MBIP: variants seen among roughly 807,000 people sequenced by gnomAD.
The protein encoded by MBIP is MAP3K12-binding inhibitory protein 1.
Under a neutral mutation model 45.7 loss-of-function variants are expected in MBIP, and 32 were observed. The ratio of observed to expected loss-of-function variants is 0.70; its 90% confidence interval spans 0.53 to 0.94. The LOEUF is 0.94. Ranked by LOEUF, MBIP falls within the 40% of genes least tolerant of loss-of-function variation. The pLI, the probability that MBIP is intolerant of heterozygous loss-of-function variation, is 0.00. For synonymous variants in MBIP, 145 were observed against 141.0 expected (o/e 1.03, Z -0.20); for missense variants, 381 against 405.5 (o/e 0.94, Z 0.52).
intron 7 of MBIP, among the ~76,000 whole-genome samples, chr14:36,303,290 G>A (rs547415100): frequency 6.6e-6 from 1 of 152,304 alleles, no homozygotes; most frequent in South Asian, 2.1e-4. Flanking sequence ...AGAAAGAGCT[G>A]GAGAAAGGTA....
chr14:36,314,559 T>G lies in MBIP; in HGVS notation c.524A>C (p.Asn175Thr). ...GCAAAATTCCCTGACGTTGTTTTCA[T>G]TGATTTCAGCTTGCTTTCTTTCAAT... is the stretch of plus-strand genomic sequence containing the variant. ...AFIERKQAEI[N>T]ENNVREFCNV... is the part of the protein sequence containing the mutation. The change falls in exon 4 of 9, where the codon AAT becomes ACT. Residue 175 changes from asparagine to threonine, a missense_variant. Physicochemically the swap from Asn to Thr is moderately conservative, Grantham distance 65. Coordinates refer to ENST00000416007, the MANE Select transcript of MBIP (RefSeq NM_016586.3). The G allele has an allele frequency of 6.2e-7, 1 of 1,611,108 alleles. No individual in the cohort carries two copies. Among genetic ancestry groups the G allele is most frequent in the Non-Finnish European group, 8.5e-7 (1 of 1,179,034 alleles).
chr14:36,314,296 G>A (rs1028160021), intron 4 of MBIP: 11 of 450,782 alleles, frequency 2.4e-5, no homozygotes, highest in African/African-American at 8.2e-5. Context: ...ACTTTTTAAT[G>A]TTAGCATTTA....
intron 4 of MBIP, chr14:36,314,002 G>GA (rs948994876): frequency 6.6e-6 from 1 of 152,596 alleles, no homozygotes; most frequent in African/African-American, 2.4e-5. Context: ...CACTATGGCA[G>GA]AAAGGAAAAA....
intron 8 of MBIP, 31 bp downstream of exon 8, chr14:36,300,754 C>A: frequency 6.6e-7 from 1 of 1,511,572 alleles, no homozygotes; most frequent in South Asian, 1.2e-5. Context: ...CAAACTATTT[C>A]AGAAACCAAA....
intron 2 of MBIP, among the ~76,000 whole-genome samples, chr14:36,315,350 G>C (rs1360663943): frequency 6.6e-6 from 1 of 152,044 alleles, no homozygotes; most frequent in Non-Finnish European, 1.5e-5. Flanking sequence ...ACGAGAGCTA[G>C]TGCTCTCACT....
At chr14:36,316,917 C>T in intron 1 of MBIP, 105 bp from the exon 2 acceptor site, 1 of 1,257,166 alleles carries the variant, frequency 8.0e-7, no homozygotes, top group East Asian at 2.5e-5. Context: ...CTATTTTGCT[C>T]TAAGTTATCA....
chr14:36,301,035 G>A (rs1214290680), intron 7 of MBIP: 4 of 343,384 alleles, frequency 1.2e-5, no homozygotes, highest in Non-Finnish European at 2.1e-5. Context: ...ATATATAATA[G>A]TAATATTGCA....
chr14:36,311,778 ATTC>A, intron 5 of MBIP, 53 bp from the exon 6 acceptor site: 1 of 1,468,824 alleles, frequency 6.8e-7, no homozygotes. Flanking sequence ...AAAATCAGAA[ATTC>A]TTATTCCTTA....
intron 2 of MBIP, among the ~76,000 whole-genome samples, chr14:36,315,749 A>G (rs1880529909): frequency 6.6e-6 from 1 of 152,074 alleles, no homozygotes; most frequent in Non-Finnish European, 1.5e-5. Context: ...TTAACATGAA[A>G]CAGTTAAAAT....
chr14:36,318,002 G>A (rs1472883729), intron 1 of MBIP, among the ~76,000 whole-genome samples: 2 of 152,020 alleles, frequency 1.3e-5, no homozygotes, highest in African/African-American at 2.4e-5. Context: ...TATTAGACAA[G>A]TATAAAGAGA....
rs781065841 is a variant in MBIP at position 36,314,551 on chromosome 14, T to C, written c.532A>G (p.Asn178Asp). The C allele has an allele frequency of 5.0e-6, 8 of 1,610,360 alleles. No homozygotes were observed. In the East Asian group the frequency reaches 1.6e-4, roughly 31 times the overall value. ...ATAACATTGCAAAATTCCCTGACGTTGTTTTCATTGATTTCAGCTTGCTTT... is the reference window on the plus strand; with the variant it reads ...ATAACATTGCAAAATTCCCTGACGTCGTTTTCATTGATTTCAGCTTGCTTT... ...ERKQAEINEN[N>D]VREFCNVIDC... Residue 178 changes from asparagine to aspartate, a missense_variant, in exon 4 of 9, where the codon AAC becomes GAC. By Grantham distance (23) the Asn-to-Asp change is conservative (BLOSUM62 1). Coordinates refer to ENST00000416007, the MANE Select transcript of MBIP (RefSeq NM_016586.3).
chr14:36,316,859 C>T (rs1221910923), intron 1 of MBIP, 47 bp from the exon 2 acceptor site: 2 of 1,568,868 alleles, frequency 1.3e-6, no homozygotes, highest in Admixed American at 3.9e-5. Flanking sequence ...CACGATTAAG[C>T]TCTACATATG....
chr14:36,306,316 G>A (rs148746895), intron 7 of MBIP, among the ~76,000 whole-genome samples: 7,568 of 152,080 alleles, frequency 0.05, 579 homozygotes, highest in African/African-American at 0.17. Flanking sequence ...GTGCAATGGC[G>A]TGATCTTGGC....
At chr14:36,317,314 T>G (rs889559308) in intron 1 of MBIP, among the ~76,000 whole-genome samples, 2 of 152,200 alleles carry the variant, frequency 1.3e-5, no homozygotes, top group Non-Finnish European at 2.9e-5. Flanking sequence ...CCAAATCACA[T>G]TTTTAGTTTT....
intron 2 of MBIP, among the ~76,000 whole-genome samples, chr14:36,315,179 C>G (rs1459442999): frequency 2.0e-5 from 3 of 151,854 alleles, no homozygotes; most frequent in African/African-American, 7.3e-5. Flanking sequence ...AAAAGAAAAC[C>G]TAAGGAAATT....
chr14:36,306,303 G>C (rs1227927286), intron 7 of MBIP, among the ~76,000 whole-genome samples: 1 of 152,002 alleles, frequency 6.6e-6, no homozygotes, highest in African/African-American at 2.4e-5. Flanking sequence ...TGCCCAGGCT[G>C]GAGTGCAATG....
chr14:36,308,200 T>TAA lies in MBIP; in HGVS notation c.791-13_791-12dup. On this transcript the variant is annotated splice_polypyrimidine_tract_variant and intron_variant, in intron 6 of 8. Coordinates refer to ENST00000416007, the MANE Select transcript of MBIP (RefSeq NM_016586.3). ...TTGGCACTGGACCACCTAAATACAT[T>TAA]AAAAAAAAATCTGAGATACTATTGA... 4 of 1,337,422 alleles carry TAA rather than the reference T, an allele frequency of 3.0e-6. No homozygotes were observed. Among genetic ancestry groups the TAA allele is most frequent in the South Asian group, 1.3e-5 (1 of 77,432 alleles). The allele number at this position is 1,337,422 out of a possible 1,614,324, so 82.8% of individuals were successfully genotyped here.
At chr14:36,314,084 A>T (rs1380435358) in intron 4 of MBIP, 1 of 155,598 alleles carries the variant, frequency 6.4e-6, no homozygotes, top group African/African-American at 2.4e-5. Flanking sequence ...GCTCAGGAGT[A>T]GTGAGAAAAC....
chr14:36,302,789 T>C (rs1029926787), intron 7 of MBIP, among the ~76,000 whole-genome samples: 1 of 152,208 alleles, frequency 6.6e-6, no homozygotes, highest in Non-Finnish European at 1.5e-5. Context: ...TTGTTTTAGG[T>C]ATAAGGAAAT....
Sources: allele counts gnomAD v4.1 joint callset (sites outside exome capture counted in the v4.1 genomes callset), GRCh38; gene constraint gnomAD v4.1.1; transcripts MANE v1.5; gene names NCBI Gene and HGNC (gene_info 2026-07-23, HGNC 2026-07-21).